The following ASTN1 variants were observed in gnomAD, a reference collection of about 807,000 sequenced individuals.
ASTN1 encodes the protein astrotactin 1, also known as astrotactin-1.
Under a neutral mutation model 140.7 loss-of-function variants are expected in ASTN1, and 41 were observed. That is an observed-to-expected ratio of 0.29 (90% CI 0.23 to 0.38). The LOEUF (loss-of-function observed/expected upper bound fraction) is 0.38, where lower values mean the gene tolerates loss of function less well. Ranked by LOEUF, ASTN1 falls within the 10% of genes least tolerant of loss-of-function variation. ASTN1 has a pLI of 1.00. For synonymous variants in ASTN1, 640 were observed against 652.2 expected (o/e 0.98, Z 0.29); for missense variants, 1,479 against 1,678.8 (o/e 0.88, Z 2.08).
intron 16 of ASTN1, among the ~76,000 whole-genome samples, chr1:176,909,850 C>T (rs992955477): frequency 6.6e-6 from 1 of 152,118 alleles, no homozygotes; most frequent in African/African-American, 2.4e-5. Context: ...ATCACAAACC[C>T]ACAGAAAAAT....
chr1:176,913,090 A>ATTTCTCTC (rs1217086287), intron 16 of ASTN1, among the ~76,000 whole-genome samples: 1 of 152,038 alleles, frequency 6.6e-6, no homozygotes, highest in Non-Finnish European at 1.5e-5. Context: ...AAAGTTGCCC[A>ATTTCTCTC]TTTCTCTCTT....
Position 176,981,211 on chromosome 1 carries a change from C to CAAAAAA in ASTN1, c.1524-15980_1524-15975dup, listed in dbSNP as rs35209486. Among the ~76,000 whole-genome samples the CAAAAAA allele has an allele frequency of 6.2e-4, 15 of 24,060 alleles. 1 individual carries two copies. Among genetic ancestry groups the CAAAAAA allele is most frequent in the African/African-American group, 1.3e-3 (12 of 9,306 alleles). 15.8% of individuals were successfully genotyped at this position (24,060 alleles called of 152,430 possible). A position where few individuals can be genotyped will look rare whatever the true frequency, so the allele number is the denominator to read the frequency against. On this transcript the variant is annotated intron_variant, in intron 8 of 22. Coordinates refer to ENST00000361833, the MANE Select transcript of ASTN1 (RefSeq NM_004319.3). ...TGGGTGACAGAAGGAGACTCTGTCT[C>CAAAAAA]AAAAAAAAAAAAAAAAAAAAAAAAA...
chr1:177,084,441 A>T (rs969014815), intron 1 of ASTN1, among the ~76,000 whole-genome samples: 4 of 152,196 alleles, frequency 2.6e-5, no homozygotes, highest in Non-Finnish European at 2.9e-5. Context: ...ATATATTCTG[A>T]GCCTAATTAT....
In ASTN1 at chr1:176,946,029, T is replaced by G. The variant is rs1486946140; in HGVS notation, c.2146A>C (p.Arg716=). The G allele has an allele frequency of 2.5e-6, 4 of 1,614,044 alleles. No homozygotes were observed. Among genetic ancestry groups the G allele is most frequent in the Non-Finnish European group, 3.4e-6 (4 of 1,179,996 alleles). ...CPEGSDCGES[R]ELPMNQTLFG... is the part of the protein sequence containing the mutation. ...AGGGTCTGGTTCATGGGAAGCTCCC[T>G]GCTTTCCCCACAGTCACTTCCCTCT... The change falls in exon 13 of 23, where the codon AGG becomes CGG. Residue 716 remains arginine (R), a synonymous_variant. Transcript: ENST00000361833.
intron 1 of ASTN1, 118 bp downstream of exon 1, chr1:177,164,276 G>C (rs543019840): frequency 2.9e-5 from 33 of 1,130,048 alleles, no homozygotes; most frequent in Non-Finnish European, 3.8e-5. Context: ...GGCGGATCCG[G>C]GAGGTAGGAG....
intron 14 of ASTN1, among the ~76,000 whole-genome samples, chr1:176,943,404 G>T (rs528872133): frequency 6.6e-6 from 1 of 152,260 alleles, no homozygotes; most frequent in Non-Finnish European, 1.5e-5. Context: ...AGACTCTATT[G>T]TCTAATGGCA....
Position 176,914,817 on chromosome 1 carries a change from G to A in ASTN1, c.2671+19335C>T, listed in dbSNP as rs557472308. Among the ~76,000 whole-genome samples the A allele has an allele frequency of 3.3e-5, 5 of 152,274 alleles. No individual in the cohort carries two copies. In the East Asian group the frequency reaches 9.7e-4, roughly 29 times the overall value. On this transcript the variant is annotated intron_variant, in intron 16 of 22. Coordinates refer to ENST00000361833, the MANE Select transcript of ASTN1 (RefSeq NM_004319.3). ...GTACAGAGAATGAGGGACAATCCAG[G>A]GGGTATTTTAGAAGAAATGAAAGGA...
At chr1:176,898,077 G>T (rs184509234) in intron 16 of ASTN1, among the ~76,000 whole-genome samples, 2 of 152,268 alleles carry the variant, frequency 1.3e-5, no homozygotes, top group Middle Eastern at 6.8e-3. Context: ...CTGAGGGGTT[G>T]CTCCCCTTGC....
chr1:176,992,241 C>T (rs1674217199), intron 8 of ASTN1, among the ~76,000 whole-genome samples: 1 of 152,092 alleles, frequency 6.6e-6, no homozygotes, highest in African/African-American at 2.4e-5. Context: ...CAACAAATGG[C>T]AGCTATTTCT....
rs1668067321 is a variant in ASTN1, at chr1:176,864,450, T to C, written c.3719A>G (p.Lys1240Arg). The change falls in exon 23 of 23, where the codon AAG becomes AGG. Residue 1240 changes from lysine to arginine, a missense_variant. Physicochemically the swap from Lys to Arg is conservative, Grantham distance 26. This residue lies in a region of ASTN1 where 746 missense variants were observed against 800.9 expected (regional missense o/e 0.93). Transcript: ENST00000361833. ...SWCNGLLQEP[K>R]ISLRRSSLKY... The stretch of plus-strand genomic sequence containing the variant: ...GAGTGAGCTGCGCCGCAAGCTTATC[T>C]TGGGTTCCTGAAGGAGTCCATTGCA... 1 of 1,614,166 alleles carries C rather than the reference T, an allele frequency of 6.2e-7. No homozygotes were observed. The highest frequency in any genetic ancestry group is 8.5e-7 in the Non-Finnish European group (1 of 1,180,022).
intron 16 of ASTN1, among the ~76,000 whole-genome samples, chr1:176,932,451 A>G (rs2103089100): frequency 6.6e-6 from 1 of 152,366 alleles, no homozygotes; most frequent in Admixed American, 6.5e-5. Context: ...GAGGAGAAAT[A>G]TATTTAAAGA....
rs1311763950 is a variant in ASTN1 at position 176,863,754 on chromosome 1, GC to G, written c.*529del. The G allele has an allele frequency of 6.1e-6, 6 of 987,088 alleles. No individual in the cohort carries two copies. The highest frequency in any genetic ancestry group is 7.2e-6 in the Non-Finnish European group (6 of 831,142). 61.1% of individuals were successfully genotyped at this position (987,088 alleles called of 1,614,324 possible). ...AGAAAACCAGGAGACACAGACAAGGGCCACCTTCCTCAATTTTCTATTGTCT... is the reference window on the plus strand; with the variant it reads ...AGAAAACCAGGAGACACAGACAAGGGCACCTTCCTCAATTTTCTATTGTCT... On this transcript the variant is annotated 3_prime_UTR_variant, in exon 23 of 23. Coordinates refer to ENST00000361833, the MANE Select transcript of ASTN1 (RefSeq NM_004319.3).
intron 21 of ASTN1, 78 bp from the exon 22 acceptor site, chr1:176,869,105 C>CTA: frequency 1.0e-6 from 1 of 980,724 alleles, no homozygotes; most frequent in East Asian, 2.8e-5. Flanking sequence ...TATATATGAT[C>CTA]TATATCATAT....
At chr1:176,890,305 A>G (rs946599556) in intron 17 of ASTN1, among the ~76,000 whole-genome samples, 27 of 152,250 alleles carry the variant, frequency 1.8e-4, no homozygotes, top group African/African-American at 5.8e-4. Flanking sequence ...GGAGGCCTCT[A>G]TGAGGATGCA....
intron 2 of ASTN1, among the ~76,000 whole-genome samples, chr1:177,042,350 C>G (rs933392225): frequency 3.9e-5 from 6 of 152,196 alleles, no homozygotes; most frequent in African/African-American, 1.4e-4. Flanking sequence ...TCCAGCAGCA[C>G]AGTCCCTAGC....
intron 16 of ASTN1, among the ~76,000 whole-genome samples, chr1:176,911,536 AT>A (rs1670240456): frequency 6.6e-6 from 1 of 151,798 alleles, no homozygotes; most frequent in South Asian, 2.1e-4. Context: ...TTAAATTTTT[AT>A]TTTTTTATTT....
intron 8 of ASTN1, among the ~76,000 whole-genome samples, chr1:177,000,711 C>T (rs916003751): frequency 9.2e-5 from 14 of 152,288 alleles, no homozygotes; most frequent in East Asian, 1.9e-4. Flanking sequence ...CAAACAAATG[C>T]AAGTTACAGG....
chr1:177,010,474 T>C (rs528825150), intron 8 of ASTN1, among the ~76,000 whole-genome samples: 1 of 152,366 alleles, frequency 6.6e-6, no homozygotes, highest in Admixed American at 6.5e-5. Context: ...AAACATTCCA[T>C]GTTCTTTTAA....
intron 12 of ASTN1, among the ~76,000 whole-genome samples, chr1:176,946,327 A>G (rs781539176): frequency 3.9e-5 from 6 of 152,162 alleles, no homozygotes; most frequent in Non-Finnish European, 7.3e-5. Flanking sequence ...ATCAGACTAA[A>G]TCTCTCACCT....
Sources: allele counts gnomAD v4.1 joint callset (sites outside exome capture counted in the v4.1 genomes callset), GRCh38; gene constraint gnomAD v4.1.1; regional missense constraint gnomAD v4.1.1; transcripts MANE v1.5; gene names NCBI Gene and HGNC (gene_info 2026-07-23, HGNC 2026-07-21).